CCDC85A: variants seen among roughly 807,000 people sequenced by gnomAD.
CCDC85A encodes coiled-coil domain-containing protein 85A.
In CCDC85A, 38 loss-of-function variants were observed where a neutral mutation model predicts 50.2. The ratio of observed to expected loss-of-function variants is 0.76; its 90% CI spans 0.58 to 0.99. The LOEUF (loss-of-function observed/expected upper bound fraction) is 0.99. Among genes scored for constraint, CCDC85A ranks in the 50% least tolerant of loss-of-function variants. CCDC85A has a pLI of 0.00. For missense variants in CCDC85A, 820 were observed against 742.0 expected (o/e 1.11, Z -1.22); for synonymous variants, 366 against 301.4 (o/e 1.21, Z -2.22).
In CCDC85A at chr2:56,283,100, GAC is replaced by G. The variant is rs138080185; in HGVS notation, c.1241-59777_1241-59776del. Among the ~76,000 whole-genome samples the G allele has an allele frequency of 1.7e-3, 253 of 152,144 alleles. 1 individual carries two copies. The highest frequency in any genetic ancestry group is 0.014 in the Middle Eastern group (4 of 292). On this transcript the variant is annotated intron_variant, in intron 2 of 5. Transcript: ENST00000407595. ...AAACAATCATGTATCTGCAAATAAA[GAC>G]AGTTTTACTTCTTACTTTCCAATAT...
intron 2 of CCDC85A, among the ~76,000 whole-genome samples, chr2:56,239,313 C>A (rs1191549551): frequency 6.6e-6 from 1 of 151,884 alleles, no homozygotes; most frequent in Non-Finnish European, 1.5e-5. Flanking sequence ...AAAGAGACAC[C>A]TCTGGATGAT....
At chr2:56,191,337 C>G (rs1676287293) in intron 1 of CCDC85A, among the ~76,000 whole-genome samples, 1 of 152,216 alleles carries the variant, frequency 6.6e-6, no homozygotes, top group South Asian at 2.1e-4. Context: ...GCTGTGTCCA[C>G]TGATATATCC....
intron 2 of CCDC85A, among the ~76,000 whole-genome samples, chr2:56,314,615 C>A (rs1263865822): frequency 1.3e-5 from 2 of 151,206 alleles, no homozygotes; most frequent in African/African-American, 2.5e-5. Flanking sequence ...AACTGATTGA[C>A]CATGGAATAT....
At chr2:56,326,328 A>G (rs1020942144) in intron 2 of CCDC85A, among the ~76,000 whole-genome samples, 2 of 152,194 alleles carry the variant, frequency 1.3e-5, no homozygotes, top group African/African-American at 4.8e-5. Flanking sequence ...ATGTGCTTTT[A>G]GGCAAAGTGC....
chr2:56,216,627 T>C (rs1286794928), intron 2 of CCDC85A, among the ~76,000 whole-genome samples: 4 of 151,798 alleles, frequency 2.6e-5, no homozygotes, highest in Non-Finnish European at 5.9e-5. Flanking sequence ...TGATTTTGAG[T>C]TCAGTTGTAT....
intron 3 of CCDC85A, among the ~76,000 whole-genome samples, chr2:56,351,887 T>C (rs1037634355): frequency 6.6e-6 from 1 of 152,166 alleles, no homozygotes; most frequent in Admixed American, 6.5e-5. Flanking sequence ...TTGGCTTTTG[T>C]TGCCATTGCT....
At chr2:56,340,081 A>G (rs573374732) in intron 2 of CCDC85A, among the ~76,000 whole-genome samples, 1 of 152,258 alleles carries the variant, frequency 6.6e-6, no homozygotes, top group Admixed American at 6.5e-5. Flanking sequence ...TCATCATGTT[A>G]ATGTCAGTGA....
At chr2:56,214,595 C>T (rs528941338) in intron 2 of CCDC85A, among the ~76,000 whole-genome samples, 9 of 151,788 alleles carry the variant, frequency 5.9e-5, no homozygotes, top group Admixed American at 2.6e-4. Flanking sequence ...GAGGGGGGAG[C>T]GGTACAGATG....
chr2:56,226,553 G>A (rs1334179818), intron 2 of CCDC85A, among the ~76,000 whole-genome samples: 1 of 151,868 alleles, frequency 6.6e-6, no homozygotes, highest in African/African-American at 2.4e-5. Context: ...AAAACTGCAT[G>A]ATTCTTTGCA....
chr2:56,290,304 ATT>A (rs1187308457), intron 2 of CCDC85A, among the ~76,000 whole-genome samples: 1 of 151,202 alleles, frequency 6.6e-6, no homozygotes, highest in South Asian at 2.1e-4. Flanking sequence ...TGGAATCTCT[ATT>A]TTTTTCAGTC....
In CCDC85A at chr2:56,385,500, G is replaced by A. The variant is rs975911142; in HGVS notation, c.*1145G>A. The A allele has an allele frequency of 5.9e-5, 9 of 152,142 alleles. No individual in the cohort carries two copies. Among genetic ancestry groups the A allele is most frequent in the African/African-American group, 1.9e-4 (8 of 41,370 alleles). The allele number at this position is 152,142 out of a possible 1,614,324, so 9.4% of individuals were successfully genotyped here. On this transcript the variant is annotated 3_prime_UTR_variant, in exon 6 of 6. Transcript: ENST00000407595. ...CTGGAAATGCTATGATAGGTATTTT[G>A]TGTTAATCCAAATGCAATGATAGTT...
intron 2 of CCDC85A, among the ~76,000 whole-genome samples, chr2:56,322,405 G>A (rs1673247889): frequency 6.6e-6 from 1 of 152,090 alleles, no homozygotes; most frequent in African/African-American, 2.4e-5. Context: ...CTGACAAAGG[G>A]CTAGTATCCA....
chr2:56,282,311 G>A (rs540788669), intron 2 of CCDC85A, among the ~76,000 whole-genome samples: 1 of 152,184 alleles, frequency 6.6e-6, no homozygotes, highest in Admixed American at 6.5e-5. Flanking sequence ...CTGTAGCTTT[G>A]TAGTAAGTCC....
At chr2:56,238,160 A>C in intron 2 of CCDC85A, among the ~76,000 whole-genome samples, 1 of 152,190 alleles carries the variant, frequency 6.6e-6, no homozygotes, top group Non-Finnish European at 1.5e-5. Flanking sequence ...TCACACCTGT[A>C]ATCCCAGCAC....
At chr2:56,237,689 C>T (rs977849515) in intron 2 of CCDC85A, among the ~76,000 whole-genome samples, 7 of 151,868 alleles carry the variant, frequency 4.6e-5, no homozygotes, top group African/African-American at 1.7e-4. Flanking sequence ...CAGATCTCAC[C>T]ATCTTTTTGC....
intron 2 of CCDC85A, among the ~76,000 whole-genome samples, chr2:56,224,873 T>C (rs1422989497): frequency 6.6e-6 from 1 of 152,190 alleles, no homozygotes; most frequent in East Asian, 1.9e-4. Flanking sequence ...GTACAAATAG[T>C]TGTTTCTCAT....
intron 5 of CCDC85A, among the ~76,000 whole-genome samples, chr2:56,378,705 A>G (rs11904296): frequency 0.024 from 3,602 of 152,286 alleles, 134 homozygotes; most frequent in African/African-American, 0.082. Context: ...TTAGATTCAG[A>G]TAGTGTCCAT....
intron 2 of CCDC85A, among the ~76,000 whole-genome samples, chr2:56,299,912 A>AT (rs1318610948): frequency 6.6e-6 from 1 of 152,178 alleles, no homozygotes; most frequent in East Asian, 1.9e-4. Flanking sequence ...AAGTAAAACT[A>AT]TAAGAAGTGA....
chr2:56,255,283 A>G (rs552974723), intron 2 of CCDC85A, among the ~76,000 whole-genome samples: 1 of 152,334 alleles, frequency 6.6e-6, no homozygotes, highest in East Asian at 1.9e-4. Flanking sequence ...AAAGCATATC[A>G]GTGACTATGC....
Sources: allele counts gnomAD v4.1 joint callset (sites outside exome capture counted in the v4.1 genomes callset), GRCh38; gene constraint gnomAD v4.1.1; transcripts MANE v1.5; gene names NCBI Gene and HGNC (gene_info 2026-07-23, HGNC 2026-07-21).